TENM4: variants seen among roughly 807,000 people sequenced by gnomAD.
TENM4 encodes the protein teneurin transmembrane protein 4.
Under a neutral mutation model 243.3 loss-of-function variants are expected in TENM4, and 82 were observed. That is an observed-to-expected ratio of 0.34 (90% CI 0.28 to 0.40). TENM4 has a LOEUF of 0.40. Among genes scored for constraint, TENM4 ranks in the 10% least tolerant of loss-of-function variants. TENM4 has a pLI of 1.00. For synonymous variants in TENM4, 1,412 were observed against 1,456.3 expected (o/e 0.97, Z 0.69); for missense variants, 3,138 against 3,673.3 (o/e 0.85, Z 3.77).
chr11:79,154,167 T>C (rs1862559713), intron 3 of TENM4, among the ~76,000 whole-genome samples: 1 of 151,812 alleles, frequency 6.6e-6, no homozygotes, highest in Non-Finnish European at 1.5e-5. Flanking sequence ...AATTGGCTCA[T>C]GGTTCTGCAG....
intron 1 of TENM4, among the ~76,000 whole-genome samples, chr11:79,410,318 C>T (rs1458076204): frequency 6.6e-6 from 1 of 152,160 alleles, no homozygotes; most frequent in African/African-American, 2.4e-5. Flanking sequence ...AGCACCTCTC[C>T]AGTGCTCCAT....
At chr11:78,832,357 C>T (rs1013906801) in intron 12 of TENM4, among the ~76,000 whole-genome samples, 4 of 152,230 alleles carry the variant, frequency 2.6e-5, no homozygotes, top group Admixed American at 1.3e-4. Flanking sequence ...TCTTCTCAGG[C>T]TGTGAGAAGC....
intron 25 of TENM4, among the ~76,000 whole-genome samples, chr11:78,713,185 A>G (rs959470019): frequency 6.6e-6 from 1 of 152,172 alleles, no homozygotes; most frequent in Non-Finnish European, 1.5e-5. Flanking sequence ...CCTCATCTCC[A>G]TCTTGGGACT....
At chr11:78,696,223 A>C (rs1454358853) in intron 28 of TENM4, among the ~76,000 whole-genome samples, 1 of 152,030 alleles carries the variant, frequency 6.6e-6, no homozygotes, top group Non-Finnish European at 1.5e-5. Context: ...ATTTCTAACA[A>C]TTCCATTTGA....
chr11:79,261,633 C>G (rs1462428283), intron 2 of TENM4, among the ~76,000 whole-genome samples: 1 of 151,714 alleles, frequency 6.6e-6, no homozygotes, highest in Non-Finnish European at 1.5e-5. Context: ...TGGGAATATA[C>G]AGAGAGAGAG....
At chr11:79,068,208 T>C (rs1045488269) in intron 5 of TENM4, 2 of 152,244 alleles carry the variant, frequency 1.3e-5, no homozygotes, top group African/African-American at 4.8e-5. Context: ...TTCTGAAGCA[T>C]CTGTTCTGTG....
intron 1 of TENM4, among the ~76,000 whole-genome samples, chr11:79,355,176 T>A (rs1006443216): frequency 2.0e-5 from 3 of 152,220 alleles, no homozygotes; most frequent in African/African-American, 7.2e-5. Context: ...CTCAGCAAGT[T>A]TGAATCCTTC....
At chr11:79,417,844 C>G (rs980566377) in intron 1 of TENM4, among the ~76,000 whole-genome samples, 2 of 152,152 alleles carry the variant, frequency 1.3e-5, no homozygotes, top group African/African-American at 4.8e-5. Flanking sequence ...CTGGAAGAAT[C>G]ACTCCACATT....
At chr11:79,393,854 G>A (rs765586493) in intron 1 of TENM4, among the ~76,000 whole-genome samples, 1 of 152,194 alleles carries the variant, frequency 6.6e-6, no homozygotes, top group African/African-American at 2.4e-5. Flanking sequence ...TCGGAGACAC[G>A]GGGGAGTGAG....
intron 29 of TENM4, among the ~76,000 whole-genome samples, 157 bp from the exon 30 acceptor site, chr11:78,676,544 G>A (rs1858483121): frequency 6.6e-6 from 1 of 152,154 alleles, no homozygotes; most frequent in Non-Finnish European, 1.5e-5. Flanking sequence ...ACATGGAGAA[G>A]ACCATCCAGA....
At chr11:78,864,374 C>T (rs1858907431) in intron 9 of TENM4, among the ~76,000 whole-genome samples, 1 of 122,524 alleles carries the variant, frequency 8.2e-6, no homozygotes. Context: ...GCGGAGCTTG[C>T]AGTGAGCCGA....
chr11:79,390,201 G>A (rs1262164442), intron 1 of TENM4, among the ~76,000 whole-genome samples: 1 of 152,154 alleles, frequency 6.6e-6, no homozygotes, highest in Non-Finnish European at 1.5e-5. Context: ...GGGCATAGGA[G>A]GTCAGGGCAA....
intron 4 of TENM4, among the ~76,000 whole-genome samples, chr11:79,105,988 A>G (rs944570159): frequency 1.3e-5 from 2 of 152,240 alleles, no homozygotes; most frequent in African/African-American, 4.8e-5. Flanking sequence ...AGAACCACTG[A>G]TTCATACAAC....
intron 9 of TENM4, among the ~76,000 whole-genome samples, chr11:78,879,617 G>A (rs1231060576): frequency 2.2e-5 from 3 of 137,356 alleles, no homozygotes; most frequent in South Asian, 2.5e-4. Flanking sequence ...CTGCCCGGCC[G>A]CCCCGTCTGG....
chr11:78,951,592 C>A (rs372200000), intron 6 of TENM4, among the ~76,000 whole-genome samples: 49 of 152,274 alleles, frequency 3.2e-4, no homozygotes, highest in African/African-American at 9.4e-4. Flanking sequence ...TGATGGGATT[C>A]GGTTTCTGGT....
At chr11:79,346,304 C>A (rs890960947) in intron 1 of TENM4, among the ~76,000 whole-genome samples, 7 of 152,298 alleles carry the variant, frequency 4.6e-5, no homozygotes, top group African/African-American at 1.7e-4. Flanking sequence ...GGGTAAGTCT[C>A]TTCTCCTTTC....
intron 2 of TENM4, among the ~76,000 whole-genome samples, chr11:79,242,537 T>A (rs1855440862): frequency 6.6e-6 from 1 of 152,228 alleles, no homozygotes; most frequent in African/African-American, 2.4e-5. Flanking sequence ...ACACCGTGTG[T>A]GATTTTACAT....
At chr11:78,935,236 C>T (rs1038098855) in intron 6 of TENM4, among the ~76,000 whole-genome samples, 50 of 151,872 alleles carry the variant, frequency 3.3e-4, no homozygotes, top group Admixed American at 7.2e-4. Flanking sequence ...TGGTCTCGAT[C>T]TCCTGACCTC....
chr11:78,832,620 C>T (rs895545815), intron 12 of TENM4, among the ~76,000 whole-genome samples: 2 of 152,208 alleles, frequency 1.3e-5, no homozygotes, highest in Admixed American at 6.5e-5. Flanking sequence ...ATATTAACAT[C>T]TATTGCACAC....
Sources: gnomAD v4.1 joint callset for allele counts (sites outside exome capture counted in the v4.1 genomes callset) on GRCh38, gnomAD v4.1.1 for gene constraint, MANE v1.5 for transcripts, NCBI Gene and HGNC (gene_info 2026-07-23, HGNC 2026-07-21) for gene names.